Variants in CCDC14 observed in about 807,000 individuals in gnomAD.
CCDC14 encodes the protein coiled-coil domain containing 14.
CCDC14 carries 71 observed loss-of-function variants against 81.4 expected under a neutral mutation model. The ratio of observed to expected loss-of-function variants is 0.87; its 90% CI spans 0.72 to 1.06. The LOEUF is 1.06. CCDC14 is among the 50% of genes least tolerant of loss of function. CCDC14 has a pLI of 0.00. For missense variants in CCDC14, 1,046 were observed against 1,047.3 expected, an observed-to-expected ratio of 1.00 and a Z score of 0.02; for synonymous variants, 332 against 364.8, an observed-to-expected ratio of 0.91 and a Z score of 1.03.
chr3:123,927,787 TA>T (rs1427542098), intron 12 of CCDC14, among the ~76,000 whole-genome samples: 2 of 151,526 alleles, frequency 1.3e-5, no homozygotes, highest in Non-Finnish European at 2.9e-5. Flanking sequence ...CTATGTTAGA[TA>T]AATGTTAAGG....
intron 3 of CCDC14, 84 bp from the exon 4 acceptor site, chr3:123,956,199 T>C (rs1405565611): frequency 7.3e-7 from 1 of 1,364,856 alleles, no homozygotes; most frequent in African/African-American, 1.5e-5. Context: ...TTTTAAAATT[T>C]GTTTATTTAC....
At position 123,915,496 on chromosome 3, in the gene CCDC14, C is replaced by T; in HGVS notation, c.2001G>A (p.Glu667=). Residue 667 remains glutamate (E), a synonymous_variant, in exon 13 of 13, where the codon GAG becomes GAA. Transcript: ENST00000409697. The part of the protein sequence containing the change: ...HSEPLSTIKN[E]ETIEPDKTYE... The stretch of plus-strand genomic sequence containing the variant: ...AGGTTTTGTCTGGCTCTATGGTTTC[C>T]TCATTTTTAATTGTAGAAAGTGGCT... 6.2e-7 allele frequency: 1 copy of T among 1,613,914 alleles called. No individual in the cohort carries two copies. Among genetic ancestry groups the T allele is most frequent in the Non-Finnish European group, 8.5e-7 (1 of 1,179,876 alleles).
At chr3:123,918,925 T>C (rs1439618467) in intron 12 of CCDC14, among the ~76,000 whole-genome samples, 1 of 152,160 alleles carries the variant, frequency 6.6e-6, no homozygotes, top group Non-Finnish European at 1.5e-5. Flanking sequence ...TCCCTACCAC[T>C]ATCACATCCA....
At chr3:123,950,031 A>G (rs1213374050) in intron 5 of CCDC14, among the ~76,000 whole-genome samples, 1 of 152,238 alleles carries the variant, frequency 6.6e-6, no homozygotes, top group Non-Finnish European at 1.5e-5. Flanking sequence ...CGGTATTAAC[A>G]AAGTAATAAG....
At chr3:123,929,389 C>T (rs891160397) in intron 12 of CCDC14, among the ~76,000 whole-genome samples, 1 of 152,114 alleles carries the variant, frequency 6.6e-6, no homozygotes, top group Non-Finnish European at 1.5e-5. Flanking sequence ...TGGCTCACCG[C>T]AGCTTCCACC....
At chr3:123,934,277 A>AC in intron 9 of CCDC14, among the ~76,000 whole-genome samples, 6 of 128,424 alleles carry the variant, frequency 4.7e-5, no homozygotes, top group Non-Finnish European at 9.0e-5. Flanking sequence ...CCTCAAAAAA[A>AC]AAAAAAAAAA....
chr3:123,939,497 A>C (rs1378706961), intron 9 of CCDC14, among the ~76,000 whole-genome samples: 1 of 149,742 alleles, frequency 6.7e-6, no homozygotes, highest in Non-Finnish European at 1.5e-5. Context: ...CCCAGGCTAG[A>C]ATAAAGTGGT....
In CCDC14 at chr3:123,941,643, T is replaced by C. The variant is rs183130646; in HGVS notation, c.1343+3206A>G. On this transcript the variant is annotated intron_variant, in intron 9 of 12. Coordinates refer to ENST00000409697, the MANE Select transcript of CCDC14 (RefSeq NM_001366335.1). Reference sequence around the variant, plus strand: ...TTCTTCATTTTTTAGTTATTTCATCTTTTAGAAGGTCAAGTAAACAACAGT... The same window carrying C: ...TTCTTCATTTTTTAGTTATTTCATCCTTTAGAAGGTCAAGTAAACAACAGT... Among the ~76,000 whole-genome samples, 93 of 152,150 alleles carry C rather than the reference T, an allele frequency of 6.1e-4. 2 individuals are homozygous for C. In the South Asian group the frequency reaches 0.011, roughly 18 times the overall value.
chr3:123,892,812 A>T (rs1276894289), downstream of CCDC14, among the ~76,000 whole-genome samples: 2 of 148,838 alleles, frequency 1.3e-5, no homozygotes, highest in Admixed American at 6.7e-5. Flanking sequence ...AATTTTAACC[A>T]TTTTTTTTTT....
rs2036683462 is a variant in CCDC14 at position 123,947,162 on chromosome 3, A to G, written c.842T>C (p.Leu281Pro). The change falls in exon 8 of 13, where the codon CTG becomes CCG. Residue 281 changes from leucine (L) to proline (P), a missense_variant. Transcript: ENST00000409697. ...DISAIPTLQQ[L>P]GLVNGILPQQ... is the part of the protein sequence containing the mutation. ...TGGCAGAATTCCATTAACAAGGCCC[A>G]GTTGCTGCAATGTTGGAATAGCTGA... 6.2e-7 allele frequency: 1 copy of G among 1,613,826 alleles called. No individual in the cohort carries two copies. The highest frequency in any genetic ancestry group is 8.5e-7 in the Non-Finnish European group (1 of 1,179,880).
In CCDC14 at chr3:123,931,501, C is replaced by A; in HGVS notation, c.1452G>T (p.Met484Ile). ...LELFSLQSLN[M>I]SLQNQLEESL... ...ACTCCTCCAATTGATTTTGCAGTGA[C>A]ATATTCAATGACTGAAGAGAAAACA... The change falls in exon 11 of 13, where the codon ATG (methionine) becomes ATT (isoleucine). Residue 484 changes from methionine (M) to isoleucine (I), a missense_variant. Physicochemically the swap from Met to Ile is conservative, Grantham distance 10. Coordinates refer to ENST00000409697, the MANE Select transcript of CCDC14 (RefSeq NM_001366335.1). 6.4e-7 allele frequency: 1 copy of A among 1,563,700 alleles called. No individual in the cohort carries two copies. The highest frequency in any genetic ancestry group is 8.7e-7 in the Non-Finnish European group (1 of 1,152,908).
At chr3:123,886,663 T>G in the CCDC14 span, among the ~76,000 whole-genome samples, 4 of 152,186 alleles carry the variant, frequency 2.6e-5, no homozygotes, top group Non-Finnish European at 5.9e-5. Context: ...CCCAAAGTGC[T>G]GGGATTACAG....
At chr3:123,945,063 A>G in intron 8 of CCDC14, 73 bp from the exon 9 acceptor site, 2 of 943,546 alleles carry the variant, frequency 2.1e-6, no homozygotes, top group Non-Finnish European at 3.0e-6. Context: ...GTATTACTAA[A>G]AAAGAAAATC....
chr3:123,897,137 A>G (rs76395176), downstream of CCDC14, among the ~76,000 whole-genome samples: 921 of 152,314 alleles, frequency 6.0e-3, 16 homozygotes, highest in East Asian at 0.046. Context: ...AAATCTGAAA[A>G]AAGTTTAAAT....
intron 10 of CCDC14, chr3:123,933,387 C>T: frequency 3.0e-6 from 1 of 331,912 alleles, no homozygotes; most frequent in Non-Finnish European, 5.5e-6. Context: ...TAAAAAAGTA[C>T]ATATATAGTT....
intron 5 of CCDC14, among the ~76,000 whole-genome samples, chr3:123,904,085 T>C (rs768063199): frequency 1.4e-4 from 21 of 152,176 alleles, no homozygotes; most frequent in Non-Finnish European, 2.1e-4. Flanking sequence ...ACAAAATGGT[T>C]GAATGAATTA....
At chr3:123,888,164 A>G in the CCDC14 span, among the ~76,000 whole-genome samples, 1 of 151,996 alleles carries the variant, frequency 6.6e-6, no homozygotes, top group Non-Finnish European at 1.5e-5. Flanking sequence ...TTCATGTTTC[A>G]TGTCACTCAG....
intron 9 of CCDC14, among the ~76,000 whole-genome samples, chr3:123,944,013 T>C (rs1382070864): frequency 2.0e-5 from 3 of 152,072 alleles, no homozygotes; most frequent in Admixed American, 6.6e-5. Context: ...ACAGGCAAAA[T>C]AACCTGGGGC....
At chr3:123,900,982 C>T (rs2034166315) in intron 5 of CCDC14, among the ~76,000 whole-genome samples, 1 of 151,988 alleles carries the variant, frequency 6.6e-6, no homozygotes, top group Non-Finnish European at 1.5e-5. Context: ...GCCTGTAATT[C>T]CAGCACTTTG....
Sources: allele counts gnomAD v4.1 joint callset (sites outside exome capture counted in the v4.1 genomes callset), GRCh38; gene constraint gnomAD v4.1.1; transcripts MANE v1.5; gene names NCBI Gene and HGNC (gene_info 2026-07-23, HGNC 2026-07-21).